Variants in DISP1 observed in about 807,000 individuals in gnomAD.
DISP1 encodes the protein protein dispatched homolog 1.
A neutral mutation model predicts 37.3 loss-of-function variants in DISP1; 30 were observed. The ratio of observed to expected loss-of-function variants is 0.80; its 90% CI spans 0.60 to 1.09. DISP1 has a LOEUF of 1.09. DISP1 is among the 50% of genes least tolerant of loss of function. The pLI is 0.00. For synonymous variants in DISP1, 634 were observed against 690.2 expected, an observed-to-expected ratio of 0.92 and a Z score of 1.28; for missense variants, 1,598 against 1,879.5, an observed-to-expected ratio of 0.85 and a Z score of 2.77.
rs545452382 is a variant in DISP1 at position 222,864,962 on chromosome 1, G to A, written c.-159+49884G>A. On this transcript the variant is annotated intron_variant, in intron 1 of 8. Transcript: ENST00000675850. The stretch of plus-strand genomic sequence containing the variant: ...GGTTTCATTCGCCTGTGCCCTCAAA[G>A]GTTACAGAGTTACAATTTAGGACAG... Among the ~76,000 whole-genome samples, 5 of 152,172 alleles carry A rather than the reference G, an allele frequency of 3.3e-5. No individual in the cohort carries two copies. The South Asian group carries it at 8.3e-4, about 25-fold the overall frequency.
intron 1 of DISP1, among the ~76,000 whole-genome samples, chr1:222,878,963 G>A (rs1241011142): frequency 6.6e-6 from 1 of 152,056 alleles, no homozygotes; most frequent in African/African-American, 2.4e-5. Flanking sequence ...TGCTTTTGGA[G>A]GTATAAATAA....
In DISP1 at chr1:222,936,835, A is replaced by ATATATCATATATATGATATATAAAT. The variant is rs1673856606; in HGVS notation, c.-17-5967_-17-5966insCATATATATGATATATAAATTATAT. Among the ~76,000 whole-genome samples, 95 of 38,934 alleles carry ATATATCATATATATGATATATAAAT rather than the reference A, an allele frequency of 2.4e-3. 2 individuals carry two copies. Among genetic ancestry groups the ATATATCATATATATGATATATAAAT allele is most frequent in the African/African-American group, 6.2e-3 (60 of 9,744 alleles). The allele number at this position is 38,934 out of a possible 152,430, so 25.5% of individuals were successfully genotyped here. A position where few individuals can be genotyped will look rare whatever the true frequency, so the allele number is the denominator to read the frequency against. On this transcript the variant is annotated intron_variant, in intron 2 of 8. Transcript: ENST00000675850. ...AAATTATATATAATATATATAAATT[A>ATATATCATATATATGATATATAAAT]TATATATCATATATATGATATATAA... is the stretch of plus-strand genomic sequence containing the variant.
chr1:222,964,197 C>A (rs1313289374), intron 3 of DISP1, among the ~76,000 whole-genome samples: 1 of 151,104 alleles, frequency 6.6e-6, no homozygotes, highest in Non-Finnish European at 1.5e-5. Flanking sequence ...TACTTGGGAG[C>A]CTGAGGCAGG....
chr1:222,947,003 T>C (rs1294144425), intron 3 of DISP1, among the ~76,000 whole-genome samples: 1 of 152,236 alleles, frequency 6.6e-6, no homozygotes, highest in Non-Finnish European at 1.5e-5. Flanking sequence ...TTTGTGATTT[T>C]TTTTATTGTG....
intron 1 of DISP1, among the ~76,000 whole-genome samples, chr1:222,858,338 A>T (rs1668667783): frequency 6.6e-6 from 1 of 152,244 alleles, no homozygotes; most frequent in African/African-American, 2.4e-5. Context: ...CTCAAGATGT[A>T]TCAAAGACTT....
chr1:222,914,047 T>C (rs1009494491), intron 1 of DISP1, among the ~76,000 whole-genome samples: 1 of 150,638 alleles, frequency 6.6e-6, no homozygotes, highest in Non-Finnish European at 1.5e-5. Flanking sequence ...TTTTCTCTAA[T>C]GCTAGGTGAT....
chr1:222,973,473 A>G (rs1345623026), intron 3 of DISP1, among the ~76,000 whole-genome samples: 5 of 152,124 alleles, frequency 3.3e-5, no homozygotes, highest in Non-Finnish European at 5.9e-5. Flanking sequence ...AATTCTTTCC[A>G]TATCAGTGTA....
intron 1 of DISP1, among the ~76,000 whole-genome samples, chr1:222,883,112 G>C (rs1157848986): frequency 1.3e-5 from 2 of 151,904 alleles, no homozygotes; most frequent in Non-Finnish European, 2.9e-5. Context: ...ACATATTAAG[G>C]CTCAGATTTG....
chr1:223,003,592 GGGC>G lies in DISP1; in HGVS notation c.2196_2198del (p.Ala733del). 6.2e-7 allele frequency: 1 copy of G among 1,614,156 alleles called. No homozygotes were observed. The highest frequency in any genetic ancestry group is 8.5e-7 in the Non-Finnish European group (1 of 1,180,034). On this transcript the variant is annotated inframe_deletion, in exon 9 of 9. Coordinates refer to ENST00000675850, the MANE Select transcript of DISP1 (RefSeq NM_001377229.1). The surrounding 1 kb of genome is among the most constrained non-coding windows in gnomAD (Gnocchi z 4.3). ...TGGTTCCTTGCCTTAACTGTAGGTG[GGGC>G]CTACATTGTATGTATAAATCCAAAG... is the stretch of plus-strand genomic sequence containing the variant.
chr1:222,847,556 A>G (rs1353499913), intron 1 of DISP1, among the ~76,000 whole-genome samples: 2 of 152,228 alleles, frequency 1.3e-5, no homozygotes, highest in Admixed American at 6.5e-5. Context: ...ATAAATAACT[A>G]TAAGTTTACA....
At chr1:222,915,224 T>C (rs941273635) in intron 1 of DISP1, among the ~76,000 whole-genome samples, 6 of 152,208 alleles carry the variant, frequency 3.9e-5, no homozygotes, top group African/African-American at 1.2e-4. Context: ...TTTAGCTTTA[T>C]GCAAGATTAG....
chr1:222,887,481 T>TTTTTG (rs1373823340), intron 1 of DISP1, among the ~76,000 whole-genome samples: 2 of 122,832 alleles, frequency 1.6e-5, no homozygotes, highest in Non-Finnish European at 3.6e-5. Context: ...TGTCACATTG[T>TTTTTG]TTTTGTTTTT....
chr1:222,816,208 T>G (rs1388683396), intron 1 of DISP1, among the ~76,000 whole-genome samples: 1 of 151,944 alleles, frequency 6.6e-6, no homozygotes, highest in East Asian at 1.9e-4. Context: ...GTGTTTGGTA[T>G]GTGGGCTCAT....
intron 1 of DISP1, among the ~76,000 whole-genome samples, chr1:222,860,170 C>T (rs1387751155): frequency 1.3e-5 from 2 of 152,204 alleles, no homozygotes; most frequent in Admixed American, 1.3e-4. Flanking sequence ...GATTCTCCTG[C>T]CTCAGCCTCC....
intron 4 of DISP1, 137 bp from the exon 5 acceptor site, chr1:222,990,488 G>A (rs1434817052): frequency 1.6e-5 from 19 of 1,197,724 alleles, no homozygotes; most frequent in Non-Finnish European, 2.2e-5. Flanking sequence ...ACACCTGTAT[G>A]TAGTCTACAA....
At chr1:222,977,522 T>C (rs1677454639) in intron 3 of DISP1, among the ~76,000 whole-genome samples, 1 of 98,504 alleles carries the variant, frequency 1.0e-5, no homozygotes, top group Non-Finnish European at 1.9e-5. Context: ...CATTTTCTTT[T>C]TTTTTTAAAT....
At chr1:222,896,700 A>G (rs1021765469) in intron 1 of DISP1, among the ~76,000 whole-genome samples, 6 of 152,186 alleles carry the variant, frequency 3.9e-5, no homozygotes, top group African/African-American at 1.2e-4. Context: ...CTAGAATGTT[A>G]AAAGAACTCT....
At chr1:222,820,911 A>G (rs1662705015) in intron 1 of DISP1, among the ~76,000 whole-genome samples, 1 of 152,096 alleles carries the variant, frequency 6.6e-6, no homozygotes, top group Non-Finnish European at 1.5e-5. Context: ...TTTTTCTCCT[A>G]CAGCTTTATG....
chr1:223,005,692 A>T lies in DISP1; in HGVS notation c.4295A>T (p.Glu1432Val), dbSNP rs1679860888. The T allele has an allele frequency of 6.2e-6, 10 of 1,614,212 alleles. No individual in the cohort carries two copies. Among genetic ancestry groups the T allele is most frequent in the Non-Finnish European group, 7.6e-6 (9 of 1,180,042 alleles). ...AATCTGGAGAGCAGTGGAGGGACTG[A>T]AAACAAGGCAGGAGGGAAAGTGGAG... is the stretch of plus-strand genomic sequence containing the variant. ...VSNLESSGGTENKAGGKVELS... is the reference protein window; with the variant it reads ...VSNLESSGGTVNKAGGKVELS... The change falls in exon 9 of 9, where the codon GAA (glutamate) becomes GTA (valine). Residue 1432 changes from glutamate (E) to valine (V), a missense_variant. Coordinates refer to ENST00000675850, the MANE Select transcript of DISP1 (RefSeq NM_001377229.1).
Sources: gnomAD v4.1 joint callset for allele counts (sites outside exome capture counted in the v4.1 genomes callset) on GRCh38, gnomAD v4.1.1 for gene constraint, Gnocchi (gnomAD v3.1) non-coding constraint, MANE v1.5 for transcripts, NCBI Gene and HGNC (gene_info 2026-07-23, HGNC 2026-07-21) for gene names.